Variants in DPP10 observed in about 807,000 individuals in gnomAD.
DPP10 encodes dipeptidyl peptidase like 10.
DPP10 carries 33 observed loss-of-function variants against 120.9 expected under a neutral mutation model. The ratio of observed to expected loss-of-function variants is 0.27; its 90% CI spans 0.21 to 0.37. The LOEUF (loss-of-function observed/expected upper bound fraction) is 0.37, where lower values mean the gene tolerates loss of function less well. Ranked by LOEUF, DPP10 falls within the 10% of genes least tolerant of loss-of-function variation. DPP10 has a pLI of 1.00. For synonymous variants in DPP10, 337 were observed against 326.1 expected (o/e 1.03, Z -0.36); for missense variants, 816 against 942.8 (o/e 0.87, Z 1.76).
At chr2:115,536,251 C>G (rs1449864976) in intron 5 of DPP10, among the ~76,000 whole-genome samples, 2 of 151,846 alleles carry the variant, frequency 1.3e-5, no homozygotes, top group Admixed American at 1.3e-4. Flanking sequence ...CACTTATAGA[C>G]AAAATTATAA....
At chr2:115,600,738 A>T (rs1486666021) in intron 5 of DPP10, among the ~76,000 whole-genome samples, 1 of 152,256 alleles carries the variant, frequency 6.6e-6, no homozygotes, top group East Asian at 1.9e-4. Context: ...GCTGCAGATG[A>T]AGTGCAAATG....
intron 1 of DPP10, among the ~76,000 whole-genome samples, chr2:114,961,471 G>GCA (rs1698628611): frequency 6.9e-6 from 1 of 145,702 alleles, no homozygotes; most frequent in African/African-American, 2.7e-5. Flanking sequence ...GTGTGTGTGT[G>GCA]CGCGCGCACA....
chr2:115,292,579 T>G (rs2105932454), intron 1 of DPP10, among the ~76,000 whole-genome samples: 1 of 152,246 alleles, frequency 6.6e-6, no homozygotes, highest in Non-Finnish European at 1.5e-5. Flanking sequence ...GTGAACAGAC[T>G]TGGAATTTAT....
intron 1 of DPP10, among the ~76,000 whole-genome samples, chr2:114,679,377 T>A (rs1698874325): frequency 6.6e-6 from 1 of 152,048 alleles, no homozygotes; most frequent in African/African-American, 2.4e-5. Context: ...GACCCTGCTG[T>A]TATTGTAATG....
chr2:115,099,257 C>T (rs577808082), intron 1 of DPP10, among the ~76,000 whole-genome samples: 1 of 152,074 alleles, frequency 6.6e-6, no homozygotes, highest in South Asian at 2.1e-4. Context: ...GAGGTTGCTG[C>T]GAGCCAAGGT....
intron 1 of DPP10, among the ~76,000 whole-genome samples, chr2:114,677,177 T>C (rs775204526): frequency 3.9e-5 from 6 of 152,134 alleles, no homozygotes; most frequent in Non-Finnish European, 8.8e-5. Context: ...TGATGAAAGA[T>C]TGTTTCAGCT....
intron 11 of DPP10, among the ~76,000 whole-genome samples, chr2:115,760,418 G>T (rs1249297667): frequency 6.6e-6 from 1 of 152,176 alleles, no homozygotes; most frequent in Non-Finnish European, 1.5e-5. Context: ...TGCCTTTTGA[G>T]AACCTCTGGG....
intron 7 of DPP10, among the ~76,000 whole-genome samples, chr2:115,714,065 A>T (rs2092413011): frequency 6.6e-6 from 1 of 152,118 alleles, no homozygotes; most frequent in African/African-American, 2.4e-5. Flanking sequence ...GCTTCTATTC[A>T]TTTCAGGTTA....
chr2:115,027,597 T>A (rs765612859), intron 1 of DPP10, among the ~76,000 whole-genome samples: 1 of 152,174 alleles, frequency 6.6e-6, no homozygotes, highest in Non-Finnish European at 1.5e-5. Context: ...GCTTTCTTTT[T>A]TTGTGGTGTG....
At chr2:114,484,887 G>T (rs1681366585) in intron 1 of DPP10, among the ~76,000 whole-genome samples, 1 of 151,552 alleles carries the variant, frequency 6.6e-6, no homozygotes, top group Non-Finnish European at 1.5e-5. Context: ...CCATGCTTCA[G>T]CACAGAATGG....
intron 5 of DPP10, among the ~76,000 whole-genome samples, chr2:115,565,733 A>G (rs533443312): frequency 7.0e-6 from 1 of 143,708 alleles, no homozygotes; most frequent in East Asian, 2.1e-4. Flanking sequence ...TCTTGTGATT[A>G]GGTAGAGGTT....
intron 1 of DPP10, among the ~76,000 whole-genome samples, chr2:115,210,512 A>G (rs2056439298): frequency 6.6e-6 from 1 of 152,162 alleles, no homozygotes; most frequent in African/African-American, 2.4e-5. Flanking sequence ...AGCATGATTT[A>G]TAATCCTTTG....
chr2:115,534,357 G>A (rs1029900629), intron 5 of DPP10, among the ~76,000 whole-genome samples: 9 of 151,160 alleles, frequency 6.0e-5, no homozygotes, highest in African/African-American at 1.7e-4. Context: ...GAGAATATGC[G>A]GTGTTTGGTT....
intron 1 of DPP10, among the ~76,000 whole-genome samples, chr2:114,599,675 G>C (rs1692207990): frequency 6.6e-6 from 1 of 151,310 alleles, no homozygotes; most frequent in African/African-American, 2.4e-5. Flanking sequence ...GCGCTATTTT[G>C]AATAAAATTT....
At chr2:115,062,193 CA>C (rs1392504282) in intron 1 of DPP10, among the ~76,000 whole-genome samples, 3 of 149,266 alleles carry the variant, frequency 2.0e-5, no homozygotes, top group Non-Finnish European at 4.5e-5. Flanking sequence ...GCTACCAAAT[CA>C]AATTTTTAGT....
chr2:115,710,117 A>G (rs1476655965), intron 7 of DPP10, among the ~76,000 whole-genome samples: 1 of 152,134 alleles, frequency 6.6e-6, no homozygotes, highest in Non-Finnish European at 1.5e-5. Flanking sequence ...TCAAAGTGAA[A>G]TAAAGACAGT....
chr2:115,436,296 G>A lies in DPP10; in HGVS notation c.272-63214G>A, dbSNP rs200852016. Among the ~76,000 whole-genome samples, 11 of 151,856 alleles carry A rather than the reference G, an allele frequency of 7.2e-5. No homozygotes were observed. In the East Asian group the frequency reaches 2.1e-3, roughly 29 times the overall value. Reference sequence around the variant, plus strand: ...CATCTCATATAAACTAAGTGCAATAGATAAAATTTGGTTTAATTTGTCTCT... The same window carrying A: ...CATCTCATATAAACTAAGTGCAATAAATAAAATTTGGTTTAATTTGTCTCT... On this transcript the variant is annotated intron_variant, in intron 3 of 25. Coordinates refer to ENST00000410059, the MANE Select transcript of DPP10 (RefSeq NM_020868.6).
intron 1 of DPP10, among the ~76,000 whole-genome samples, chr2:115,035,440 T>A (rs1441023547): frequency 6.6e-6 from 1 of 152,214 alleles, no homozygotes; most frequent in Admixed American, 6.5e-5. Flanking sequence ...TAATAGCTAA[T>A]CATAACTCCA....
At chr2:115,283,347 T>C (rs1347698284) in intron 1 of DPP10, among the ~76,000 whole-genome samples, 3 of 152,136 alleles carry the variant, frequency 2.0e-5, no homozygotes, top group African/African-American at 7.2e-5. Flanking sequence ...TGTTTTTCTA[T>C]GCACAACTTT....
Sources: gnomAD v4.1 joint callset for allele counts (sites outside exome capture counted in the v4.1 genomes callset) on GRCh38, gnomAD v4.1.1 for gene constraint, MANE v1.5 for transcripts, NCBI Gene and HGNC (gene_info 2026-07-23, HGNC 2026-07-21) for gene names.